SKIC8: variants seen among roughly 807,000 people sequenced by gnomAD.
The protein encoded by SKIC8 is superkiller complex protein 8.
the SKIC8 span, chr15:78,290,081 G>C: frequency 1.2e-6 from 2 of 1,613,894 alleles, no homozygotes; most frequent in South Asian, 1.1e-5. Context: ...AGGAGAAAAG[G>C]CCAAAGTCCA....
At chr15:78,288,786 T>G in the SKIC8 span, 1 of 346,120 alleles carries the variant, frequency 2.9e-6, no homozygotes, top group African/African-American at 2.1e-5. Flanking sequence ...TAAATTCACT[T>G]GATTAGAATT....
chr15:78,295,579 A>G, the SKIC8 span: 38 of 1,546,620 alleles, frequency 2.5e-5, no homozygotes, highest in East Asian at 6.3e-4. Flanking sequence ...GGCAAGAATG[A>G]GATGCTAGTT....
the SKIC8 span, chr15:78,286,486 T>A: frequency 7.9e-5 from 16 of 202,264 alleles, no homozygotes; most frequent in East Asian, 1.9e-3. Flanking sequence ...AAGGAAGCCA[T>A]CTGAGGAGAA....
chr15:78,299,132 G>T, the SKIC8 span, among the ~76,000 whole-genome samples: 1 of 152,154 alleles, frequency 6.6e-6, no homozygotes, highest in Non-Finnish European at 1.5e-5. Flanking sequence ...GTATTGCACG[G>T]TACTTGGCGT....
the SKIC8 span, chr15:78,293,348 G>T: frequency 2.3e-6 from 3 of 1,313,578 alleles, no homozygotes; most frequent in Non-Finnish European, 3.3e-6. Flanking sequence ...TTCAACAATT[G>T]TGAGGTAACA....
chr15:78,289,735 A>C, the SKIC8 span: 2 of 1,604,852 alleles, frequency 1.2e-6, no homozygotes, highest in Middle Eastern at 1.7e-4. Context: ...CATATGGAGA[A>C]ATTAGCACTT....
chr15:78,297,536 T>G, the SKIC8 span, among the ~76,000 whole-genome samples: 4 of 152,216 alleles, frequency 2.6e-5, no homozygotes, highest in Non-Finnish European at 5.9e-5. Flanking sequence ...TAGAAGCAAA[T>G]TTAATAACTA....
At chr15:78,290,316 G>A in the SKIC8 span, among the ~76,000 whole-genome samples, 3 of 152,194 alleles carry the variant, frequency 2.0e-5, no homozygotes, top group Non-Finnish European at 4.4e-5. Flanking sequence ...TCAAGTGTTA[G>A]CAAGGATGTG....
At chr15:78,290,116 A>C in the SKIC8 span, 1 of 1,603,852 alleles carries the variant, frequency 6.2e-7, no homozygotes, top group Non-Finnish European at 8.5e-7. Context: ...AGAAAAAAGA[A>C]GGACAAAAAT....
the SKIC8 span, chr15:78,284,425 G>A: frequency 6.6e-6 from 1 of 152,210 alleles, no homozygotes; most frequent in Non-Finnish European, 1.5e-5. Flanking sequence ...TCAAAGAGGA[G>A]AAATCTATAG....
chr15:78,291,482 G>T, the SKIC8 span, among the ~76,000 whole-genome samples: 1 of 152,002 alleles, frequency 6.6e-6, no homozygotes, highest in African/African-American at 2.4e-5. Context: ...GGTGCGTCTG[G>T]GTAGCTTTTT....
the SKIC8 span, chr15:78,285,413 C>A: frequency 7.4e-7 from 1 of 1,358,772 alleles, no homozygotes; most frequent in Non-Finnish European, 1.1e-6. Context: ...TGATGACTTA[C>A]ATTCTTCTAA....
At chr15:78,286,070 G>A in the SKIC8 span, 1 of 1,613,976 alleles carries the variant, frequency 6.2e-7, no homozygotes, top group Non-Finnish European at 8.5e-7. Context: ...CATCAGGACA[G>A]AATGCAACGT....
chr15:78,289,524 T>C, the SKIC8 span: 1 of 887,372 alleles, frequency 1.1e-6, no homozygotes, highest in Non-Finnish European at 1.8e-6. Flanking sequence ...GTAAATCTAA[T>C]GCCCATTTGC....
chr15:78,293,330 A>G, the SKIC8 span: 1 of 1,464,690 alleles, frequency 6.8e-7, no homozygotes, highest in East Asian at 2.3e-5. Context: ...AATGAAGCCG[A>G]GATACTGTTC....
the SKIC8 span, chr15:78,289,720 G>C: frequency 6.2e-7 from 1 of 1,611,904 alleles, no homozygotes; most frequent in Non-Finnish European, 8.5e-7. Context: ...ACTCTGTTCA[G>C]AGAACATATG....
chr15:78,284,850 G>T, the SKIC8 span: 1 of 168,972 alleles, frequency 5.9e-6, no homozygotes, highest in Non-Finnish European at 1.3e-5. Flanking sequence ...CTCTTCTTTG[G>T]ACAGTCCCAA....
the SKIC8 span, among the ~76,000 whole-genome samples, chr15:78,289,291 T>C: frequency 6.6e-6 from 1 of 152,164 alleles, no homozygotes; most frequent in East Asian, 1.9e-4. Context: ...TGTGCACCTG[T>C]AGTCCCAGCT....
chr15:78,296,475 GTTC>G, the SKIC8 span, among the ~76,000 whole-genome samples: 1 of 151,386 alleles, frequency 6.6e-6, no homozygotes, highest in Non-Finnish European at 1.5e-5. Context: ...AGGGCTAATG[GTTC>G]TTATTTCTTT....
Sources: allele counts gnomAD v4.1 joint callset (sites outside exome capture counted in the v4.1 genomes callset), GRCh38; gene constraint gnomAD v4.1.1; transcripts MANE v1.5; gene names NCBI Gene and HGNC (gene_info 2026-07-23, HGNC 2026-07-21).